The following SORCS2 variants were observed in gnomAD, a reference collection of about 807,000 sequenced individuals.
SORCS2 encodes sortilin related VPS10 domain containing receptor 2, also known as VPS10 domain-containing receptor SorCS2.
SORCS2 carries 100 observed loss-of-function variants against 141.6 expected under a neutral mutation model. The observed-to-expected ratio is 0.71, with a 90% CI of 0.60 to 0.83. SORCS2 has a LOEUF of 0.83. SORCS2 is among the 40% of genes least tolerant of loss of function. SORCS2 has a pLI of 0.00. For synonymous variants in SORCS2, 789 were observed against 676.9 expected, an observed-to-expected ratio of 1.17 and a Z score of -2.57; for missense variants, 1,646 against 1,560.2, an observed-to-expected ratio of 1.05 and a Z score of -0.93.
At chr4:7,366,259 C>T (rs146898839) in intron 1 of SORCS2, among the ~76,000 whole-genome samples, 1 of 151,968 alleles carries the variant, frequency 6.6e-6, no homozygotes, top group South Asian at 2.1e-4. Context: ...CTCTCTCTCT[C>T]TCAGTCCTGC....
At chr4:7,561,582 A>G (rs2109674496) in intron 3 of SORCS2, among the ~76,000 whole-genome samples, 1 of 65,866 alleles carries the variant, frequency 1.5e-5, no homozygotes, top group Non-Finnish European at 3.4e-5. Flanking sequence ...CAATCCATCT[A>G]TCCATTCATC....
intron 3 of SORCS2, among the ~76,000 whole-genome samples, chr4:7,583,670 C>T (rs1009875315): frequency 2.6e-5 from 4 of 152,218 alleles, no homozygotes; most frequent in African/African-American, 9.6e-5. Flanking sequence ...CTTTCATCTG[C>T]TGCCACGTAA....
At chr4:7,442,756 G>A (rs1033074087) in intron 2 of SORCS2, among the ~76,000 whole-genome samples, 14 of 151,326 alleles carry the variant, frequency 9.3e-5, no homozygotes, top group Admixed American at 8.6e-4. Flanking sequence ...GTGGGCTTTC[G>A]CAGGTGCCCT....
rs559036203 is a variant in SORCS2 at position 7,505,249 on chromosome 4, G to A, written c.549-26281G>A. Among the ~76,000 whole-genome samples, 7 of 152,328 alleles carry A rather than the reference G, an allele frequency of 4.6e-5. No individual in the cohort carries two copies. The East Asian group carries it at 1.4e-3, about 29-fold the overall frequency. ...TTCGTGATGGGAAAGGGGTGCGGAT[G>A]TGGTATAGGGAGATCCAGTGGGGCA... On this transcript the variant is annotated intron_variant, in intron 2 of 26. Coordinates refer to ENST00000507866, the MANE Select transcript of SORCS2 (RefSeq NM_020777.3).
chr4:7,705,055 T>C (rs1725334968), intron 14 of SORCS2, among the ~76,000 whole-genome samples: 1 of 152,152 alleles, frequency 6.6e-6, no homozygotes, highest in Non-Finnish European at 1.5e-5. Flanking sequence ...GGGACCTTAT[T>C]TGGAAATGGG....
chr4:7,377,467 C>T (rs1442191263), intron 1 of SORCS2, among the ~76,000 whole-genome samples: 1 of 152,240 alleles, frequency 6.6e-6, no homozygotes, highest in African/African-American at 2.4e-5. Flanking sequence ...TTCATCACTT[C>T]AGCTTCCCCT....
intron 18 of SORCS2, among the ~76,000 whole-genome samples, chr4:7,721,280 C>G (rs1337507202): frequency 2.0e-5 from 3 of 152,142 alleles, no homozygotes; most frequent in Non-Finnish European, 4.4e-5. Context: ...GCCTGGCCAA[C>G]ATGACGAAAC....
chr4:7,607,507 A>C (rs779929836), intron 3 of SORCS2, among the ~76,000 whole-genome samples: 3 of 152,134 alleles, frequency 2.0e-5, no homozygotes, highest in Non-Finnish European at 2.9e-5. Flanking sequence ...CTTCTTGGGC[A>C]CCTGGTGTTA....
intron 4 of SORCS2, among the ~76,000 whole-genome samples, chr4:7,653,597 C>T (rs752079540): frequency 4.6e-5 from 7 of 152,192 alleles, no homozygotes; most frequent in African/African-American, 1.4e-4. Flanking sequence ...AATTAAGCCC[C>T]AGATGTGGGG....
intron 4 of SORCS2, among the ~76,000 whole-genome samples, chr4:7,640,270 A>G (rs1397186949): frequency 8.3e-5 from 10 of 120,834 alleles, no homozygotes; most frequent in Admixed American, 1.6e-4. Flanking sequence ...GTATGTGAGC[A>G]TGTGTGGGTG....
chr4:7,456,013 G>A (rs1728892714), intron 2 of SORCS2, among the ~76,000 whole-genome samples: 1 of 152,156 alleles, frequency 6.6e-6, no homozygotes, highest in South Asian at 2.1e-4. Flanking sequence ...TGAGACCAAG[G>A]TGTAGGCAGG....
At chr4:7,301,697 A>G (rs1398680636) in intron 1 of SORCS2, among the ~76,000 whole-genome samples, 1 of 152,248 alleles carries the variant, frequency 6.6e-6, no homozygotes, top group East Asian at 1.9e-4. Context: ...TGGCCCCAGC[A>G]GAAAATGCAT....
intron 3 of SORCS2, among the ~76,000 whole-genome samples, chr4:7,625,786 G>A (rs1227219855): frequency 1.3e-5 from 2 of 152,022 alleles, no homozygotes; most frequent in African/African-American, 2.4e-5. Flanking sequence ...AGGTAGAGAG[G>A]CAGGAAAGAA....
intron 15 of SORCS2, among the ~76,000 whole-genome samples, chr4:7,713,682 T>C (rs1577107215): frequency 6.6e-6 from 1 of 152,028 alleles, no homozygotes; most frequent in African/African-American, 2.4e-5. Context: ...ATATCAAGGG[T>C]GGGCGGTGCC....
intron 1 of SORCS2, among the ~76,000 whole-genome samples, chr4:7,210,159 T>C (rs1202065223): frequency 6.6e-6 from 1 of 152,166 alleles, no homozygotes; most frequent in Non-Finnish European, 1.5e-5. Context: ...CAGCCTTGTG[T>C]GGGGCCAGGT....
chr4:7,729,808 A>G lies in SORCS2; in HGVS notation c.3108+96A>G, dbSNP rs1397600093. On this transcript the variant is annotated intron_variant, in intron 23 of 26. Transcript: ENST00000507866. ...CAGGGACGTCTCAGTGGCTCATGGC[A>G]TAAAGGCGTCTTTCTCGCTGCATCT... is the stretch of plus-strand genomic sequence containing the variant. 3 of 1,488,488 alleles carry G rather than the reference A, an allele frequency of 2.0e-6. No homozygotes were observed. In the African/African-American group the frequency reaches 4.2e-5, roughly 21 times the overall value. The allele number at this position is 1,488,488 out of a possible 1,614,324, so 92.2% of individuals were successfully genotyped here. A position where few individuals can be genotyped will look rare whatever the true frequency, so the allele number is the denominator to read the frequency against.
intron 1 of SORCS2, among the ~76,000 whole-genome samples, chr4:7,323,799 A>G (rs1719059092): frequency 6.6e-6 from 1 of 151,904 alleles, no homozygotes; most frequent in African/African-American, 2.4e-5. Flanking sequence ...AAATGGGAAC[A>G]GAACCCCCAT....
At chr4:7,621,886 C>A (rs968625600) in intron 3 of SORCS2, among the ~76,000 whole-genome samples, 3 of 152,194 alleles carry the variant, frequency 2.0e-5, no homozygotes, top group African/African-American at 7.2e-5. Context: ...TGGCGAGAGC[C>A]TGCTGGTGCT....
At chr4:7,646,784 C>T (rs1721110137) in intron 4 of SORCS2, among the ~76,000 whole-genome samples, 1 of 152,212 alleles carries the variant, frequency 6.6e-6, no homozygotes, top group Admixed American at 6.5e-5. Flanking sequence ...GAATCTGTTT[C>T]TGTGGTTTAA....
Sources: allele counts gnomAD v4.1 joint callset (sites outside exome capture counted in the v4.1 genomes callset), GRCh38; gene constraint gnomAD v4.1.1; transcripts MANE v1.5; gene names NCBI Gene and HGNC (gene_info 2026-07-23, HGNC 2026-07-21).